The following TESMIN variants were observed in gnomAD, a reference collection of about 807,000 sequenced individuals.
The protein encoded by TESMIN is testis expressed metallothionein like protein.
In TESMIN, 34 loss-of-function variants were observed where a neutral mutation model predicts 47.4. The ratio of observed to expected loss-of-function variants is 0.72; its 90% confidence interval spans 0.55 to 0.96. TESMIN has a LOEUF of 0.96. Among genes scored for constraint, TESMIN ranks in the 40% least tolerant of loss-of-function variants. The probability of loss-of-function intolerance (pLI) is 0.00; values close to 1 mark genes in which losing one functional copy is unlikely to be tolerated. For synonymous variants in TESMIN, 278 were observed against 258.9 expected (o/e 1.07, Z -0.71); for missense variants, 610 against 637.2 (o/e 0.96, Z 0.46).
intron 9 of TESMIN, among the ~76,000 whole-genome samples, chr11:68,710,280 A>T (rs1946048048): frequency 6.6e-6 from 1 of 152,228 alleles, no homozygotes; most frequent in African/African-American, 2.4e-5. Context: ...TCATGATATG[A>T]CCATTACATT....
intron 6 of TESMIN, among the ~76,000 whole-genome samples, chr11:68,721,885 T>C (rs960128905): frequency 2.6e-5 from 4 of 152,104 alleles, no homozygotes; most frequent in Admixed American, 6.5e-5. Flanking sequence ...ATATTCCTAG[T>C]GGGGGTATAA....
chr11:68,750,577 G>T lies in TESMIN; in HGVS notation c.84C>A (p.Phe28Leu). Residue 28 changes from phenylalanine to leucine, a missense_variant, in exon 2 of 10, where the codon TTC (phenylalanine) becomes TTA (leucine). Phe to Leu is a conservative substitution (Grantham distance 22, BLOSUM62 0). Transcript: ENST00000255087. ...CCTTCAGGCCGATGTTCTCCGAAGC[G>T]AACGGACCCTCGGGGCTTAAGAGCT... is the stretch of plus-strand genomic sequence containing the variant. ...VTELLSPEGP[F>L]ASENIGLKAP... 1.2e-6 allele frequency: 2 copies of T among 1,607,544 alleles called. No homozygotes were observed. Among genetic ancestry groups the T allele is most frequent in the Non-Finnish European group, 1.7e-6 (2 of 1,177,864 alleles).
At chr11:68,738,315 C>A in intron 6 of TESMIN, 1 of 1,011,564 alleles carries the variant, frequency 9.9e-7, no homozygotes, top group Middle Eastern at 5.0e-4. Context: ...TGCAGCCCCC[C>A]GTTCATGCTG....
intron 6 of TESMIN, among the ~76,000 whole-genome samples, chr11:68,724,034 T>C (rs1946233182): frequency 6.6e-6 from 1 of 152,130 alleles, no homozygotes; most frequent in Non-Finnish European, 1.5e-5. Context: ...TGGGGAAGCC[T>C]AACTAACGCA....
At chr11:68,727,975 T>C (rs749224674) in intron 6 of TESMIN, among the ~76,000 whole-genome samples, 1 of 152,220 alleles carries the variant, frequency 6.6e-6, no homozygotes, top group Non-Finnish European at 1.5e-5. Flanking sequence ...AACTGATGAA[T>C]GCTGAGTGTG....
chr11:68,737,986 G>C (rs1387759669), intron 6 of TESMIN: 6 of 985,580 alleles, frequency 6.1e-6, no homozygotes, highest in Admixed American at 6.1e-5. Context: ...TTGGAGGCAG[G>C]AATATGCTGA....
chr11:68,736,845 G>C (rs1245435073), intron 6 of TESMIN: 1 of 985,018 alleles, frequency 1.0e-6, no homozygotes, highest in Non-Finnish European at 1.2e-6. Flanking sequence ...ATGGGAAGCC[G>C]GGGGAGAGGA....
intron 3 of TESMIN, 48 bp downstream of exon 3, chr11:68,747,153 GGGGTCCA>G (rs1946531118): frequency 6.5e-7 from 1 of 1,544,352 alleles, no homozygotes; most frequent in South Asian, 1.1e-5. Context: ...TAGTAATGAT[GGGGTCCA>G]GCATTTAGTA....
In TESMIN at chr11:68,750,687, G is replaced by GGC; in HGVS notation, c.-28_-27insGC. On this transcript the variant is annotated 5_prime_UTR_variant, in exon 2 of 10. Transcript: ENST00000255087. ...GCGCAGGGCGGCGGGGCGGGATGGCGGGGGCCGCGCACCTGCAACACGCGG... is the reference window on the plus strand; with the variant it reads ...GCGCAGGGCGGCGGGGCGGGATGGCGGCGGGGCCGCGCACCTGCAACACGCGG... The GGC allele has an allele frequency of 6.9e-7, 1 of 1,441,052 alleles. No individual in the cohort carries two copies. Among genetic ancestry groups the GGC allele is most frequent in the East Asian group, 2.6e-5 (1 of 38,122 alleles). The allele number at this position is 1,441,052 out of a possible 1,614,324, so 89.3% of individuals were successfully genotyped here.
intron 6 of TESMIN, chr11:68,737,856 T>C: frequency 4.6e-6 from 4 of 878,110 alleles, no homozygotes; most frequent in Non-Finnish European, 5.5e-6. Flanking sequence ...GAGGTTGCAG[T>C]GAGCAGAGAT....
Position 68,738,705 on chromosome 11 carries a change from CAA to C in TESMIN, c.910_911del (p.Leu304GlyfsTer5), listed in dbSNP as rs1433426305. On this transcript the variant is annotated frameshift_variant, in exon 6 of 10. Coordinates refer to ENST00000255087, the MANE Select transcript of TESMIN (RefSeq NM_004923.3). LOFTEE classifies it high-confidence loss of function. Reference protein sequence around the residue: ...STLPGPPKITLAGYCDCFASG... With the variant: ...STLPGPPKITXAGYCDCFASG... ...GTATTGCTTCTAATCCTTACCCAGC[CAA>C]AGTTATTTTTGGTGGTCCTGGAAGA... 6.2e-7 allele frequency: 1 copy of C among 1,613,974 alleles called. No homozygotes were observed. Among genetic ancestry groups the C allele is most frequent in the Non-Finnish European group, 8.5e-7 (1 of 1,179,912 alleles).
chr11:68,716,682 A>C (rs1406473682), intron 6 of TESMIN, among the ~76,000 whole-genome samples: 1 of 152,202 alleles, frequency 6.6e-6, no homozygotes, highest in Non-Finnish European at 1.5e-5. Flanking sequence ...AAGGTCTTGT[A>C]AGACGCCTGC....
chr11:68,711,979 G>GC (rs1326740894), intron 8 of TESMIN, among the ~76,000 whole-genome samples: 5 of 152,226 alleles, frequency 3.3e-5, no homozygotes, highest in South Asian at 4.1e-4. Flanking sequence ...CTTTCCTTCA[G>GC]CCCCCCGGGG....
intron 6 of TESMIN, among the ~76,000 whole-genome samples, chr11:68,735,065 G>A (rs1387063206): frequency 1.3e-5 from 2 of 152,214 alleles, no homozygotes; most frequent in Non-Finnish European, 1.5e-5. Flanking sequence ...CATTTTAGAG[G>A]TAAAGACAAT....
Position 68,723,462 on chromosome 11 carries a change from TA to T in TESMIN, c.918-7524del, listed in dbSNP as rs201374225. Reference sequence around the variant, plus strand: ...AATTTACAGCTTTAAGTGCATTTCCTAAAAAAAAAAAAAAAAAAAATTTAAA... The same window carrying T: ...AATTTACAGCTTTAAGTGCATTTCCTAAAAAAAAAAAAAAAAAAATTTAAA... On this transcript the variant is annotated intron_variant, in intron 6 of 9. Coordinates refer to ENST00000255087, the MANE Select transcript of TESMIN (RefSeq NM_004923.3). Among the ~76,000 whole-genome samples, 613 of 90,478 alleles carry T rather than the reference TA, an allele frequency of 6.8e-3. 1 individual carries two copies. Among genetic ancestry groups the T allele is most frequent in the African/African-American group, 0.014 (338 of 23,742 alleles). 59.4% of individuals were successfully genotyped at this position (90,478 alleles called of 152,430 possible).
intron 6 of TESMIN, among the ~76,000 whole-genome samples, chr11:68,724,273 A>G (rs1395474543): frequency 6.6e-6 from 1 of 152,240 alleles, no homozygotes; most frequent in Non-Finnish European, 1.5e-5. Flanking sequence ...CAATCTGATC[A>G]TTTCAACAAA....
chr11:68,750,208 C>G lies in TESMIN; in HGVS notation c.453G>C (p.Pro151=), dbSNP rs1352338938. The G allele has an allele frequency of 6.7e-7, 1 of 1,493,414 alleles. No individual in the cohort carries two copies. Among genetic ancestry groups the G allele is most frequent in the Non-Finnish European group, 8.8e-7 (1 of 1,133,924 alleles). The allele number at this position is 1,493,414 out of a possible 1,614,324, so 92.5% of individuals were successfully genotyped here. The change falls in exon 2 of 10, where the codon CCG becomes CCC. Residue 151 remains proline (P), a synonymous_variant. Transcript: ENST00000255087. ...TTCTTACTGGGATCATGCGGACGCC[C>G]GGGTGGGAGGCTCCTTCCAGGACCC... ...GAWVLEGASH[P]GVRMIPVEIK...
chr11:68,714,035 G>T (rs1463594113), intron 7 of TESMIN, among the ~76,000 whole-genome samples: 1 of 152,166 alleles, frequency 6.6e-6, no homozygotes, highest in African/African-American at 2.4e-5. Context: ...TGTTATCCAG[G>T]TCTATTTGTT....
intron 6 of TESMIN, chr11:68,736,263 AT>A: frequency 2.0e-6 from 2 of 985,378 alleles, no homozygotes; most frequent in Non-Finnish European, 2.4e-6. Context: ...CAGGACAAGG[AT>A]TTGTATTAAA....
Sources: allele counts gnomAD v4.1 joint callset (sites outside exome capture counted in the v4.1 genomes callset), GRCh38; gene constraint gnomAD v4.1.1; transcripts MANE v1.5; gene names NCBI Gene and HGNC (gene_info 2026-07-23, HGNC 2026-07-21).